Variants in PCDHGB3 observed in about 807,000 individuals in gnomAD.
PCDHGB3 encodes the protein protocadherin gamma subfamily B, 3, also known as protocadherin gamma-B3.
In PCDHGB3, 40 loss-of-function variants were observed where a neutral mutation model predicts 59.2. The observed-to-expected ratio is 0.68, with a 90% CI of 0.52 to 0.88. PCDHGB3 has a LOEUF of 0.88. PCDHGB3 is among the 40% of genes least tolerant of loss of function. The probability of loss-of-function intolerance (pLI) is 0.00; values close to 1 mark genes in which losing one functional copy is unlikely to be tolerated. For missense variants in PCDHGB3, 1,309 were observed against 1,187.9 expected (o/e 1.10, Z -1.50); for synonymous variants, 581 against 503.6 (o/e 1.15, Z -2.06).
At position 141,432,003 on chromosome 5, in the gene PCDHGB3, T is replaced by A; in HGVS notation, c.2415+59194T>A. On this transcript the variant is annotated intron_variant, in intron 1 of 3. Coordinates refer to ENST00000576222, the MANE Select transcript of PCDHGB3 (RefSeq NM_018924.5). This position sits in a 1 kb window ranked among gnomAD's most constrained non-coding sequence, Gnocchi z 6.0. ...GACATAGTCTTGGATAGGGAACAGG[T>A]TCCTAGCTACAACATCACAGTGACC... The A allele has an allele frequency of 6.2e-7, 1 of 1,614,116 alleles. No individual in the cohort carries two copies.
At chr5:141,503,005 G>A (rs915064303) in intron 2 of PCDHGB3, among the ~76,000 whole-genome samples, 16 of 145,340 alleles carry the variant, frequency 1.1e-4, no homozygotes, top group African/African-American at 2.3e-4. Flanking sequence ...CACCATGCCC[G>A]GTTAATTTTT....
At chr5:141,496,011 T>G (rs1232125559) in intron 2 of PCDHGB3, among the ~76,000 whole-genome samples, 1 of 152,114 alleles carries the variant, frequency 6.6e-6, no homozygotes, top group African/African-American at 2.4e-5. Flanking sequence ...ATCTTGTCTT[T>G]TTTCTCTGAG....
rs2233612 is a variant in PCDHGB3 at position 141,511,014 on chromosome 5, A to G, written c.2631A>G (p.Gly877=). 8.6e-4 allele frequency: 1,386 copies of G among 1,614,082 alleles called. 14 individuals are homozygous for G. The African/African-American group carries it at 0.017, about 20-fold the overall frequency. The change falls in exon 4 of 4, where the codon GGA becomes GGG. Residue 877 remains glycine, a synonymous_variant. Coordinates refer to ENST00000576222, the MANE Select transcript of PCDHGB3 (RefSeq NM_018924.5). ...AGTMGLSARY[G]PQFTLQHVPD... ...CCATGGGATTGAGCGCCCGCTACGG[A>G]CCCCAGTTCACCCTGCAGCACGTGC...
rs779949817 is a variant in PCDHGB3 at position 141,487,266 on chromosome 5, T to G, written c.2416-7541T>G. The G allele has an allele frequency of 6.2e-7, 1 of 1,614,054 alleles. No individual in the cohort carries two copies. The highest frequency in any genetic ancestry group is 8.5e-7 in the Non-Finnish European group (1 of 1,180,044). On this transcript the variant is annotated intron_variant, in intron 1 of 3. Transcript: ENST00000576222. This position sits in a 1 kb window ranked among gnomAD's most constrained non-coding sequence, Gnocchi z 5.0. The stretch of plus-strand genomic sequence containing the variant: ...ACCCTCTACTTGGCTGTGTCCCTAG[T>G]GGCAATTTGCTTTGTCTCCTTTGGC...
At chr5:141,459,763 G>A (rs1243169814) in intron 1 of PCDHGB3, among the ~76,000 whole-genome samples, 1 of 152,206 alleles carries the variant, frequency 6.6e-6, no homozygotes, top group South Asian at 2.1e-4. Context: ...GTGGGTGTGT[G>A]ATACTATCTC....
chr5:141,466,203 C>G (rs1291051063), intron 1 of PCDHGB3, among the ~76,000 whole-genome samples: 1 of 151,914 alleles, frequency 6.6e-6, no homozygotes, highest in Non-Finnish European at 1.5e-5. Context: ...CACAGCCTTG[C>G]TCTGTTACCC....
At chr5:141,413,202 G>T (rs768256888) in intron 1 of PCDHGB3, 19 of 1,612,062 alleles carry the variant, frequency 1.2e-5, no homozygotes, top group Non-Finnish European at 1.6e-5. Flanking sequence ...ATCGCTCAAA[G>T]GAATCAAAGG....
At chr5:141,398,425 C>G (rs2093656331) in intron 1 of PCDHGB3, 2 of 1,519,432 alleles carry the variant, frequency 1.3e-6, no homozygotes, top group East Asian at 2.3e-5. Flanking sequence ...CGGGAAGAAG[C>G]CAGCTTGTGC....
rs200254467 is a variant in PCDHGB3 at position 141,419,887 on chromosome 5, C to T, written c.2415+47078C>T. 380 of 1,614,050 alleles carry T rather than the reference C, an allele frequency of 2.4e-4. 1 individual carries two copies. The Admixed American group carries it at 2.6e-3, about 11-fold the overall frequency. ...TGCAAGAGGTACTGCCGGATTTCAGCGACCATCCCACACCCTCTGACTCCC... is the reference window on the plus strand; with the variant it reads ...TGCAAGAGGTACTGCCGGATTTCAGTGACCATCCCACACCCTCTGACTCCC... On this transcript the variant is annotated intron_variant, in intron 1 of 3. Transcript: ENST00000576222.
In PCDHGB3 at chr5:141,412,947, C is replaced by T. The variant is rs930035804; in HGVS notation, c.2415+40138C>T. On this transcript the variant is annotated intron_variant, in intron 1 of 3. Coordinates refer to ENST00000576222, the MANE Select transcript of PCDHGB3 (RefSeq NM_018924.5). ...AGTAACTTCTTAGGACTCTGAGCGC[C>T]GCTGTTCACCTACTAGGAGAGAAAA... is the stretch of plus-strand genomic sequence containing the variant. The T allele has an allele frequency of 2.3e-5, 11 of 475,008 alleles. No individual in the cohort carries two copies. The Middle Eastern group carries it at 2.2e-3, about 94-fold the overall frequency. 29.4% of individuals were successfully genotyped at this position (475,008 alleles called of 1,614,324 possible). A position where few individuals can be genotyped will look rare whatever the true frequency, so the allele number is the denominator to read the frequency against.
chr5:141,487,323 G>A lies in PCDHGB3; in HGVS notation c.2416-7484G>A, dbSNP rs374901235. Reference sequence around the variant, plus strand: ...GTGGCACTACTCTCTAAGTGTCTTCGTGGGGCAGCCTGTGGAGTCACATGC... The same window carrying A: ...GTGGCACTACTCTCTAAGTGTCTTCATGGGGCAGCCTGTGGAGTCACATGC... On this transcript the variant is annotated intron_variant, in intron 1 of 3. Coordinates refer to ENST00000576222, the MANE Select transcript of PCDHGB3 (RefSeq NM_018924.5). The surrounding 1 kb of genome is among the most constrained non-coding windows in gnomAD (Gnocchi z 5.0). 4.0e-5 allele frequency: 65 copies of A among 1,613,982 alleles called. No homozygotes were observed. Among genetic ancestry groups the A allele is most frequent in the Non-Finnish European group, 4.7e-5 (56 of 1,180,012 alleles).
intron 1 of PCDHGB3, chr5:141,413,663 A>T: frequency 6.2e-7 from 1 of 1,613,844 alleles, no homozygotes; most frequent in Non-Finnish European, 8.5e-7. Flanking sequence ...GAAGCTATTG[A>T]TCCGGATGTG....
chr5:141,404,551 G>C (rs764332245), intron 1 of PCDHGB3: 1 of 1,613,866 alleles, frequency 6.2e-7, no homozygotes, highest in Non-Finnish European at 8.5e-7. Flanking sequence ...TGCAGGTGAC[G>C]GCAAGTGACA....
intron 1 of PCDHGB3, chr5:141,428,344 G>C (rs970552377): frequency 8.4e-6 from 5 of 596,498 alleles, no homozygotes; most frequent in Non-Finnish European, 1.5e-5. Context: ...CTTCTTCCTC[G>C]CAGTGATTTT....
intron 1 of PCDHGB3, chr5:141,389,404 C>G (rs2091742660): frequency 6.2e-7 from 1 of 1,613,498 alleles, no homozygotes; most frequent in African/African-American, 1.3e-5. Flanking sequence ...TCCATAAGCG[C>G]GGAGAGCGGG....
intron 1 of PCDHGB3, chr5:141,478,676 G>A (rs540780497): frequency 6.4e-7 from 1 of 1,551,522 alleles, no homozygotes; most frequent in African/African-American, 1.4e-5. Flanking sequence ...CTTTCAACTG[G>A]CCCTTCCTAG....
Position 141,489,880 on chromosome 5 carries a change from G to A in PCDHGB3, c.2416-4927G>A. On this transcript the variant is annotated intron_variant, in intron 1 of 3. Transcript: ENST00000576222. The surrounding 1 kb of genome is among the most constrained non-coding windows in gnomAD (Gnocchi z 4.5). Reference sequence around the variant, plus strand: ...GGCAAGACATCAGCTGGTGCTTACTGCTGTGGATGGGGGGACCCCAGCCCG... The same window carrying A: ...GGCAAGACATCAGCTGGTGCTTACTACTGTGGATGGGGGGACCCCAGCCCG... 2 of 1,614,230 alleles carry A rather than the reference G, an allele frequency of 1.2e-6. No individual in the cohort carries two copies. The highest frequency in any genetic ancestry group is 1.7e-6 in the Non-Finnish European group (2 of 1,180,026).
chr5:141,422,450 G>C (rs748354292), intron 1 of PCDHGB3: 71 of 1,611,564 alleles, frequency 4.4e-5, no homozygotes, highest in Non-Finnish European at 5.9e-5. Flanking sequence ...TTGATAACAA[G>C]CAGAGTGCTG....
intron 1 of PCDHGB3, chr5:141,375,643 C>T (rs1443985601): frequency 1.9e-6 from 3 of 1,614,092 alleles, no homozygotes; most frequent in Admixed American, 3.3e-5. Flanking sequence ...TGCGCTCCTT[C>T]GACTATGAGC....
Sources: allele counts gnomAD v4.1 joint callset (sites outside exome capture counted in the v4.1 genomes callset), GRCh38; gene constraint gnomAD v4.1.1; non-coding constraint Gnocchi (gnomAD v3.1); transcripts MANE v1.5; gene names NCBI Gene and HGNC (gene_info 2026-07-23, HGNC 2026-07-21).